Variants in DNAJC12 observed in about 807,000 individuals in gnomAD.
DNAJC12 encodes the protein dnaJ homolog subfamily C member 12.
Under a neutral mutation model 28.5 loss-of-function variants are expected in DNAJC12, and 25 were observed. The ratio of observed to expected loss-of-function variants is 0.88; its 90% confidence interval spans 0.64 to 1.22. The LOEUF (loss-of-function observed/expected upper bound fraction) is 1.22. Ranked by LOEUF, DNAJC12 falls within the 50% of genes most tolerant of loss-of-function variation. DNAJC12 has a pLI of 0.00. For missense variants in DNAJC12, 222 were observed against 231.7 expected, an observed-to-expected ratio of 0.96 and a Z score of 0.27; for synonymous variants, 77 against 80.6, an observed-to-expected ratio of 0.95 and a Z score of 0.24.
intron 2 of DNAJC12, among the ~76,000 whole-genome samples, chr10:67,819,656 GAAAGAGAAAGAA>G (rs1214862832): frequency 3.2e-5 from 4 of 123,586 alleles, no homozygotes; most frequent in African/African-American, 1.3e-4. Context: ...AAGAAAGAAA[GAAAGAGAAAGAA>G]AGAAAGAAAG....
intron 2 of DNAJC12, among the ~76,000 whole-genome samples, chr10:67,813,329 C>T (rs1185697756): frequency 6.6e-6 from 1 of 152,084 alleles, no homozygotes; most frequent in Non-Finnish European, 1.5e-5. Flanking sequence ...CACCACTGCA[C>T]TCCAGCCTAG....
chr10:67,812,068 A>G (rs1260169979), intron 2 of DNAJC12, among the ~76,000 whole-genome samples: 2 of 152,174 alleles, frequency 1.3e-5, no homozygotes, highest in Non-Finnish European at 2.9e-5. Context: ...GGACAGTAAA[A>G]CTGAAGACTA....
intron 4 of DNAJC12, among the ~76,000 whole-genome samples, chr10:67,805,193 G>T (rs1042716227): frequency 6.6e-6 from 1 of 152,086 alleles, no homozygotes; most frequent in East Asian, 1.9e-4. Context: ...CTGGCCTTTG[G>T]TTTTCTCATC....
chr10:67,798,033 C>G (rs1841696481), intron 4 of DNAJC12, among the ~76,000 whole-genome samples: 1 of 138,592 alleles, frequency 7.2e-6, no homozygotes, highest in South Asian at 2.2e-4. Flanking sequence ...GAGCGAGATT[C>G]TGTCTCAGAA....
intron 2 of DNAJC12, among the ~76,000 whole-genome samples, chr10:67,818,939 G>T (rs556030431): frequency 6.6e-6 from 1 of 152,226 alleles, no homozygotes; most frequent in African/African-American, 2.4e-5. Flanking sequence ...ACAGGCATTA[G>T]CCACCGAGCC....
intron 2 of DNAJC12, among the ~76,000 whole-genome samples, chr10:67,814,252 T>G (rs1260335726): frequency 6.6e-6 from 1 of 152,012 alleles, no homozygotes; most frequent in African/African-American, 2.4e-5. Flanking sequence ...GACAATTTAA[T>G]GAAGAAAAAA....
intron 1 of DNAJC12, among the ~76,000 whole-genome samples, chr10:67,831,759 T>G (rs900883178): frequency 6.6e-6 from 1 of 152,222 alleles, no homozygotes; most frequent in Non-Finnish European, 1.5e-5. Flanking sequence ...GTCTCACCTT[T>G]TTGTTTTGTT....
At chr10:67,831,402 G>A (rs10997825) in intron 1 of DNAJC12, among the ~76,000 whole-genome samples, 25,461 of 152,020 alleles carry the variant, frequency 0.17, 2,846 homozygotes, top group Non-Finnish European at 0.26. Context: ...TTAAAACTTA[G>A]AAACTTATCT....
intron 2 of DNAJC12, among the ~76,000 whole-genome samples, chr10:67,821,787 C>T (rs182118873): frequency 5.3e-5 from 8 of 152,044 alleles, no homozygotes; most frequent in Admixed American, 2.0e-4. Flanking sequence ...CAGCATGAAG[C>T]GAGGAGGACA....
intron 2 of DNAJC12, among the ~76,000 whole-genome samples, chr10:67,813,491 T>C (rs1056925526): frequency 6.6e-6 from 1 of 152,094 alleles, no homozygotes. Context: ...GGCTCATGCC[T>C]GTAATCCCAG....
In DNAJC12 at chr10:67,827,686, CAA is replaced by C. The variant is rs59152300; in HGVS notation, c.79-4296_79-4295del. 3.1e-3 allele frequency: 435 copies of C among 142,178 alleles called. 1 individual carries two copies. Among genetic ancestry groups the C allele is most frequent in the South Asian group, 7.9e-3 (35 of 4,430 alleles). The allele number at this position is 142,178 out of a possible 1,614,324, so 8.8% of individuals were successfully genotyped here. A position where few individuals can be genotyped will look rare whatever the true frequency, so the allele number is the denominator to read the frequency against. On this transcript the variant is annotated intron_variant, in intron 1 of 4. Transcript: ENST00000225171. Reference sequence around the variant, plus strand: ...AGACAACAAGAGTGAAACTCCATCTCAAAAAAAAAAAAAAATGTACTGGTATT... The same window carrying C: ...AGACAACAAGAGTGAAACTCCATCTCAAAAAAAAAAAAATGTACTGGTATT...
chr10:67,816,739 G>T (rs1841920816), intron 2 of DNAJC12, among the ~76,000 whole-genome samples: 1 of 152,012 alleles, frequency 6.6e-6, no homozygotes, highest in Non-Finnish European at 1.5e-5. Context: ...TAGAGACGAG[G>T]TTTCACCATG....
At chr10:67,809,403 A>G (rs1274080556) in intron 3 of DNAJC12, among the ~76,000 whole-genome samples, 3 of 151,940 alleles carry the variant, frequency 2.0e-5, no homozygotes, top group Non-Finnish European at 4.4e-5. Context: ...CTGAATCCTC[A>G]CTCCAAACCT....
intron 2 of DNAJC12, among the ~76,000 whole-genome samples, chr10:67,812,299 A>G (rs1589605855): frequency 6.6e-6 from 1 of 152,170 alleles, no homozygotes; most frequent in South Asian, 2.1e-4. Flanking sequence ...TAGAGTAGAC[A>G]GACAATAGCT....
rs572186344 is a variant in DNAJC12, at chr10:67,819,679, A to G, written c.157+3635T>C. ...AAGAAAGAGAAAGAAAGAAAGAAAG[A>G]AAGAAAGAAAGAAAGAAAGGAAGGA... On this transcript the variant is annotated intron_variant, in intron 2 of 4. Coordinates refer to ENST00000225171, the MANE Select transcript of DNAJC12 (RefSeq NM_021800.3). Among the ~76,000 whole-genome samples, 24 of 9,574 alleles carry G rather than the reference A, an allele frequency of 2.5e-3. 1 individual carries two copies. The highest frequency in any genetic ancestry group is 4.4e-3 in the Non-Finnish European group (19 of 4,330). 6.3% of individuals were successfully genotyped at this position (9,574 alleles called of 152,430 possible). A position where few individuals can be genotyped will look rare whatever the true frequency, so the allele number is the denominator to read the frequency against.
At chr10:67,807,086 C>T (rs1841810102) in intron 3 of DNAJC12, among the ~76,000 whole-genome samples, 2 of 151,836 alleles carry the variant, frequency 1.3e-5, no homozygotes, top group Admixed American at 1.3e-4. Context: ...ATGGTGAAAC[C>T]TCACCTCTAC....
At chr10:67,828,871 G>A (rs1842063463) in intron 1 of DNAJC12, among the ~76,000 whole-genome samples, 1 of 152,084 alleles carries the variant, frequency 6.6e-6, no homozygotes, top group African/African-American at 2.4e-5. Flanking sequence ...CATCAACTCA[G>A]ACAGACATCG....
intron 1 of DNAJC12, among the ~76,000 whole-genome samples, chr10:67,828,279 G>GTA (rs990429152): frequency 2.6e-5 from 4 of 152,218 alleles, no homozygotes; most frequent in African/African-American, 7.2e-5. Flanking sequence ...GTATGTGTGT[G>GTA]TATATATATG....
At chr10:67,832,083 T>C (rs1842099327) in intron 1 of DNAJC12, among the ~76,000 whole-genome samples, 1 of 152,082 alleles carries the variant, frequency 6.6e-6, no homozygotes, top group African/African-American at 2.4e-5. Context: ...CTGACCAACA[T>C]GGTGAAACCC....
Sources: gnomAD v4.1 joint callset for allele counts (sites outside exome capture counted in the v4.1 genomes callset) on GRCh38, gnomAD v4.1.1 for gene constraint, MANE v1.5 for transcripts, NCBI Gene and HGNC (gene_info 2026-07-23, HGNC 2026-07-21) for gene names.